The following PIERCE1 variants were observed in gnomAD, a reference collection of about 807,000 sequenced individuals.
PIERCE1 encodes piercer of microtubule wall 1.
At chr9:135,499,519 C>T in the PIERCE1 span, 1 of 815,148 alleles carries the variant, frequency 1.2e-6, no homozygotes. Flanking sequence ...GCCCTTATCC[C>T]CACTTCCTTG....
At chr9:135,497,189 G>A in the PIERCE1 span, among the ~76,000 whole-genome samples, 3 of 152,176 alleles carry the variant, frequency 2.0e-5, no homozygotes, top group Non-Finnish European at 4.4e-5. Context: ...TCACGAAACT[G>A]GAAAAGAGAC....
the PIERCE1 span, among the ~76,000 whole-genome samples, chr9:135,496,635 CCT>C: frequency 2.0e-5 from 3 of 152,184 alleles, no homozygotes; most frequent in East Asian, 5.8e-4. Flanking sequence ...CACAGTTCCC[CCT>C]GTCCTTAGCA....
At chr9:135,499,657 C>T in the PIERCE1 span, 5 of 1,593,086 alleles carry the variant, frequency 3.1e-6, no homozygotes, top group African/African-American at 4.0e-5. Flanking sequence ...CTCTCACACA[C>T]GGGGCTATCG....
the PIERCE1 span, among the ~76,000 whole-genome samples, chr9:135,496,407 T>C: frequency 6.6e-6 from 1 of 152,194 alleles, no homozygotes; most frequent in Non-Finnish European, 1.5e-5. Flanking sequence ...ACTGTGACAT[T>C]CCTGAAGCGA....
the PIERCE1 span, among the ~76,000 whole-genome samples, chr9:135,496,852 C>T: frequency 7.0e-6 from 1 of 142,332 alleles, no homozygotes; most frequent in Non-Finnish European, 1.5e-5. Flanking sequence ...CGCCGGCGTG[C>T]AATGGCGCCA....
At chr9:135,495,387 C>A in the PIERCE1 span, 1 of 1,557,480 alleles carries the variant, frequency 6.4e-7, no homozygotes, top group East Asian at 2.3e-5. Flanking sequence ...TTCCAGGAGG[C>A]CCTGGGGTCA....
the PIERCE1 span, chr9:135,498,684 T>C: frequency 2.5e-5 from 40 of 1,602,172 alleles, no homozygotes; most frequent in Non-Finnish European, 3.1e-5. This position sits in a 1 kb window ranked among gnomAD's most constrained non-coding sequence, Gnocchi z 4.1. Context: ...AGAAACACTC[T>C]ATTTTCATTC....
chr9:135,495,517 G>C, the PIERCE1 span: 2 of 1,614,114 alleles, frequency 1.2e-6, no homozygotes, highest in Non-Finnish European at 1.7e-6. Context: ...GGCCAGTCAC[G>C]ATGCTTTTCT....
At chr9:135,496,341 G>A in the PIERCE1 span, among the ~76,000 whole-genome samples, 3 of 152,326 alleles carry the variant, frequency 2.0e-5, no homozygotes, top group Non-Finnish European at 4.4e-5. Flanking sequence ...GAGGCCACTC[G>A]TGTGGGCGGG....
At chr9:135,495,432 C>T in the PIERCE1 span, 10 of 1,612,834 alleles carry the variant, frequency 6.2e-6, no homozygotes, top group East Asian at 2.2e-5. Context: ...GCCCCTCAAT[C>T]GCAGATGGAT....
the PIERCE1 span, chr9:135,498,749 C>A: frequency 8.1e-7 from 1 of 1,234,830 alleles, no homozygotes; most frequent in East Asian, 2.3e-5. The surrounding 1 kb of genome is among the most constrained non-coding windows in gnomAD (Gnocchi z 4.1). Context: ...CGGCACTCCC[C>A]TGGAAATGCC....
the PIERCE1 span, among the ~76,000 whole-genome samples, chr9:135,497,718 T>A: frequency 1.3e-5 from 2 of 152,200 alleles, no homozygotes; most frequent in African/African-American, 2.4e-5. Context: ...AGCCACCGCA[T>A]CCAGCTGTGT....
chr9:135,499,661 G>A, the PIERCE1 span: 2 of 1,596,766 alleles, frequency 1.3e-6, no homozygotes, highest in East Asian at 2.3e-5. Flanking sequence ...CACACACGGG[G>A]CTATCGAGCA....
the PIERCE1 span, chr9:135,499,862 G>A: frequency 3.2e-6 from 5 of 1,546,888 alleles, no homozygotes; most frequent in Non-Finnish European, 4.4e-6. Context: ...TGTGCCTGGA[G>A]GAGAAGCGGG....
chr9:135,499,395 C>T, the PIERCE1 span: 76 of 621,428 alleles, frequency 1.2e-4, no homozygotes, highest in African/African-American at 1.2e-3. Context: ...TGCTGCTGTG[C>T]TCACGCCCCG....
the PIERCE1 span, chr9:135,498,971 C>G: frequency 2.8e-6 from 1 of 359,318 alleles, no homozygotes; most frequent in Non-Finnish European, 5.1e-6. This position sits in a 1 kb window ranked among gnomAD's most constrained non-coding sequence, Gnocchi z 4.1. Context: ...GCACATGCTG[C>G]AATTTCTGGG....
chr9:135,496,432 C>T, the PIERCE1 span, among the ~76,000 whole-genome samples: 2 of 152,206 alleles, frequency 1.3e-5, no homozygotes, highest in Non-Finnish European at 2.9e-5. Context: ...TCTGGACCTC[C>T]GCCAAATATT....
At chr9:135,498,273 C>CGT in the PIERCE1 span, among the ~76,000 whole-genome samples, 2,133 of 151,914 alleles carry the variant, frequency 0.014, 53 homozygotes, top group African/African-American at 0.048. The surrounding 1 kb of genome is among the most constrained non-coding windows in gnomAD (Gnocchi z 4.1). Context: ...GAGATGGTTG[C>CGT]GTGTGTGTGT....
At chr9:135,498,193 T>C in the PIERCE1 span, among the ~76,000 whole-genome samples, 5 of 152,092 alleles carry the variant, frequency 3.3e-5, no homozygotes, top group African/African-American at 1.2e-4. This position sits in a 1 kb window ranked among gnomAD's most constrained non-coding sequence, Gnocchi z 4.1. Context: ...TAACATCTCA[T>C]AAAGTACAAT....
Sources: allele counts gnomAD v4.1 joint callset (sites outside exome capture counted in the v4.1 genomes callset), GRCh38; gene constraint gnomAD v4.1.1; non-coding constraint Gnocchi (gnomAD v3.1); transcripts MANE v1.5; gene names NCBI Gene and HGNC (gene_info 2026-07-23, HGNC 2026-07-21).